Variants in XPR1 observed in about 807,000 individuals in gnomAD.
XPR1 encodes the protein solute carrier family 53 member 1.
In XPR1, 28 loss-of-function variants were observed where a neutral mutation model predicts 87.5. That is an observed-to-expected ratio of 0.32 (90% CI 0.24 to 0.44). XPR1 has a LOEUF of 0.44. XPR1 is among the 20% of genes least tolerant of loss of function. The probability of loss-of-function intolerance (pLI) is 1.00; values close to 1 mark genes in which losing one functional copy is unlikely to be tolerated. For synonymous variants in XPR1, 300 were observed against 306.1 expected (o/e 0.98, Z 0.21); for missense variants, 559 against 862.3 (o/e 0.65, Z 4.41).
intron 2 of XPR1, among the ~76,000 whole-genome samples, chr1:180,768,395 C>T (rs756951193): frequency 3.3e-5 from 5 of 152,200 alleles, no homozygotes; most frequent in African/African-American, 7.2e-5. Context: ...CCTCAAGTCC[C>T]ATAATGGCAT....
chr1:180,662,136 AT>A (rs1655801203), intron 1 of XPR1, among the ~76,000 whole-genome samples: 2 of 152,128 alleles, frequency 1.3e-5, no homozygotes, highest in African/African-American at 4.8e-5. Flanking sequence ...CAGTGTTATA[AT>A]AGTCTGTGTA....
intron 2 of XPR1, among the ~76,000 whole-genome samples, chr1:180,754,383 G>A (rs1201179062): frequency 6.6e-6 from 1 of 152,064 alleles, no homozygotes; most frequent in Non-Finnish European, 1.5e-5. Context: ...TGGATTTATA[G>A]TATAGAAAAA....
At chr1:180,823,105 G>T (rs1377572723) in intron 7 of XPR1, among the ~76,000 whole-genome samples, 1 of 152,034 alleles carries the variant, frequency 6.6e-6, no homozygotes, top group African/African-American at 2.4e-5. Flanking sequence ...GCTGGGTGTG[G>T]CGTCACGCAT....
At chr1:180,776,449 G>A (rs1269453085) in intron 2 of XPR1, among the ~76,000 whole-genome samples, 1 of 151,224 alleles carries the variant, frequency 6.6e-6, no homozygotes, top group Non-Finnish European at 1.5e-5. Flanking sequence ...ATTGTATAAT[G>A]GAATAATTGT....
chr1:180,710,244 C>T (rs1657716848), intron 2 of XPR1, among the ~76,000 whole-genome samples: 1 of 149,300 alleles, frequency 6.7e-6, no homozygotes, highest in Admixed American at 6.7e-5. Flanking sequence ...GGGTGTTTCT[C>T]GCAGAGGGGG....
At chr1:180,741,348 T>G (rs1658917055) in intron 2 of XPR1, among the ~76,000 whole-genome samples, 1 of 152,004 alleles carries the variant, frequency 6.6e-6, no homozygotes, top group Non-Finnish European at 1.5e-5. Context: ...GTATTTTTAG[T>G]AGAGATGGGG....
chr1:180,782,451 T>C (rs1401378862), intron 2 of XPR1, among the ~76,000 whole-genome samples: 1 of 152,026 alleles, frequency 6.6e-6, no homozygotes, highest in African/African-American at 2.4e-5. Flanking sequence ...TCTTTTCTTC[T>C]TTGCAAGCAT....
chr1:180,870,530 TTAGC>T (rs1652505928), intron 12 of XPR1, among the ~76,000 whole-genome samples: 1 of 61,994 alleles, frequency 1.6e-5, no homozygotes, highest in Non-Finnish European at 3.2e-5. Flanking sequence ...TTTAGGATAG[TTAGC>T]TCTTCTTGTT....
intron 1 of XPR1, among the ~76,000 whole-genome samples, chr1:180,635,164 G>C (rs575881852): frequency 2.3e-4 from 35 of 152,176 alleles, no homozygotes; most frequent in African/African-American, 7.7e-4. Flanking sequence ...TAAAATAACA[G>C]ACCAACATGG....
At chr1:180,725,695 C>G (rs185960787) in intron 2 of XPR1, among the ~76,000 whole-genome samples, 3 of 152,190 alleles carry the variant, frequency 2.0e-5, no homozygotes. Flanking sequence ...CCTAGATATA[C>G]TATCTCTCAT....
At chr1:180,660,646 G>T (rs1655737421) in intron 1 of XPR1, among the ~76,000 whole-genome samples, 1 of 152,120 alleles carries the variant, frequency 6.6e-6, no homozygotes, top group Admixed American at 6.5e-5. Context: ...TCATGTGTTT[G>T]TATAGTCTCT....
chr1:180,711,719 G>A (rs1262148881), intron 2 of XPR1, among the ~76,000 whole-genome samples: 2 of 152,126 alleles, frequency 1.3e-5, no homozygotes, highest in Non-Finnish European at 2.9e-5. Context: ...TTTTGATGTA[G>A]TCCAATTTAT....
intron 2 of XPR1, among the ~76,000 whole-genome samples, chr1:180,738,711 C>G (rs577205134): frequency 6.6e-5 from 10 of 152,184 alleles, no homozygotes; most frequent in Admixed American, 3.3e-4. Context: ...AGTCTTTTGT[C>G]CATTTTTAAA....
intron 11 of XPR1, among the ~76,000 whole-genome samples, chr1:180,857,948 G>A (rs1197915674): frequency 6.6e-6 from 1 of 152,124 alleles, no homozygotes; most frequent in Non-Finnish European, 1.5e-5. Flanking sequence ...CGGGTGTGGT[G>A]GCTCACACCT....
At position 180,806,536 on chromosome 1, in the gene XPR1, C is replaced by T. The variant is rs372716949; in HGVS notation, c.660C>T (p.Val220=). Residue 220 remains valine (V), a synonymous_variant, in exon 6 of 15, where the codon GTC becomes GTT. Coordinates refer to ENST00000367590, the MANE Select transcript of XPR1 (RefSeq NM_004736.4). ...DRQKAMKRLR[V]PPLGAAQPAP... Reference sequence around the variant, plus strand: ...AAAAGGCTATGAAGCGTTTACGTGTCCCCCCTTTGGGAGCTGCTCAGGTTA... The same window carrying T: ...AAAAGGCTATGAAGCGTTTACGTGTTCCCCCTTTGGGAGCTGCTCAGGTTA... 287 of 1,612,036 alleles carry T rather than the reference C, an allele frequency of 1.8e-4. No homozygotes were observed. Among genetic ancestry groups the T allele is most frequent in the Non-Finnish European group, 2.3e-4 (269 of 1,178,754 alleles).
At chr1:180,755,564 C>T (rs931604762) in intron 2 of XPR1, among the ~76,000 whole-genome samples, 1 of 152,206 alleles carries the variant, frequency 6.6e-6, no homozygotes, top group Non-Finnish European at 1.5e-5. Context: ...ATAGCTAGCC[C>T]TCTGCACTAC....
At chr1:180,740,322 A>G (rs1363362453) in intron 2 of XPR1, among the ~76,000 whole-genome samples, 2 of 151,962 alleles carry the variant, frequency 1.3e-5, no homozygotes, top group African/African-American at 4.8e-5. Context: ...CCTTTTATCA[A>G]GTCGGGGAAC....
chr1:180,827,177 A>G (rs34643742), intron 9 of XPR1, among the ~76,000 whole-genome samples: 48 of 136,812 alleles, frequency 3.5e-4, no homozygotes, highest in South Asian at 7.2e-4. Context: ...AAAAAAAAAA[A>G]GGGGGTCTCC....
intron 11 of XPR1, among the ~76,000 whole-genome samples, chr1:180,849,104 T>G (rs1651783395): frequency 6.6e-6 from 1 of 152,122 alleles, no homozygotes; most frequent in Non-Finnish European, 1.5e-5. Context: ...CGATTAAAGG[T>G]AAAAAAAATT....
Sources: allele counts gnomAD v4.1 joint callset (sites outside exome capture counted in the v4.1 genomes callset), GRCh38; gene constraint gnomAD v4.1.1; transcripts MANE v1.5; gene names NCBI Gene and HGNC (gene_info 2026-07-23, HGNC 2026-07-21).